CAMTA1: variants seen among roughly 807,000 people sequenced by gnomAD.
CAMTA1 encodes the protein calmodulin-binding transcription activator 1.
CAMTA1 carries 27 observed loss-of-function variants against 170.9 expected under a neutral mutation model. The ratio of observed to expected loss-of-function variants is 0.16; its 90% CI spans 0.12 to 0.22. The LOEUF (loss-of-function observed/expected upper bound fraction) is 0.22, where lower values mean the gene tolerates loss of function less well. CAMTA1 is among the 10% of genes least tolerant of loss of function. CAMTA1 has a pLI of 1.00. For synonymous variants in CAMTA1, 833 were observed against 891.5 expected (o/e 0.93, Z 1.17); for missense variants, 1,619 against 2,217.2 (o/e 0.73, Z 5.42).
At chr1:7,636,213 A>G (rs1341801398) in intron 6 of CAMTA1, among the ~76,000 whole-genome samples, 2 of 151,958 alleles carry the variant, frequency 1.3e-5, no homozygotes, top group South Asian at 2.1e-4. Context: ...GGATGCTACA[A>G]TCCCTACATT....
chr1:7,756,576 C>T (rs923833817), intron 22 of CAMTA1, among the ~76,000 whole-genome samples: 18 of 152,210 alleles, frequency 1.2e-4, no homozygotes, highest in East Asian at 1.9e-4. Flanking sequence ...AGGCCAGGTA[C>T]GATGGCTCAT....
At chr1:7,270,291 A>ATTTTTTTTTTT (rs34768255) in intron 5 of CAMTA1, among the ~76,000 whole-genome samples, 1 of 110,570 alleles carries the variant, frequency 9.0e-6, no homozygotes, top group African/African-American at 3.4e-5. Flanking sequence ...ATATATATAT[A>ATTTTTTTTTTT]TTTTTTTTTT....
At chr1:7,363,116 G>A (rs2085678272) in intron 5 of CAMTA1, among the ~76,000 whole-genome samples, 1 of 152,210 alleles carries the variant, frequency 6.6e-6, no homozygotes, top group South Asian at 2.1e-4. Context: ...AAACGTGAGA[G>A]AGTGAGTAGG....
At chr1:6,809,345 G>A (rs543558534) in intron 1 of CAMTA1, among the ~76,000 whole-genome samples, 2 of 152,032 alleles carry the variant, frequency 1.3e-5, no homozygotes, top group African/African-American at 2.4e-5. Context: ...TGTTTTTAAG[G>A]CGTCATTGGG....
chr1:7,628,281 C>T (rs1156956320), intron 6 of CAMTA1, among the ~76,000 whole-genome samples: 2 of 152,220 alleles, frequency 1.3e-5, no homozygotes, highest in African/African-American at 4.8e-5. Context: ...GTGACTCCAA[C>T]CAAAGCCTAG....
rs1163737397 is a variant in CAMTA1, at chr1:7,680,954, C to T, written c.2914+3221C>T. On this transcript the variant is annotated intron_variant, in intron 11 of 22. Coordinates refer to ENST00000303635, the MANE Select transcript of CAMTA1 (RefSeq NM_015215.4). This position sits in a 1 kb window ranked among gnomAD's most constrained non-coding sequence, Gnocchi z 4.4. ...CGGCGTAGCTTTTGTTTGCGCAGCC[C>T]CGCCCTGCGGAGGGCGATCGTCCCC... Among the ~76,000 whole-genome samples the T allele has an allele frequency of 6.6e-6, 1 of 151,694 alleles. No individual in the cohort carries two copies. Among genetic ancestry groups the T allele is most frequent in the East Asian group, 2.0e-4 (1 of 5,128 alleles).
At chr1:7,182,556 T>C (rs191874007) in intron 4 of CAMTA1, among the ~76,000 whole-genome samples, 12 of 150,182 alleles carry the variant, frequency 8.0e-5, no homozygotes, top group African/African-American at 2.9e-4. Flanking sequence ...AACATGGATG[T>C]AAGAAAAGGT....
chr1:7,291,978 T>C (rs1326865203), intron 5 of CAMTA1, among the ~76,000 whole-genome samples: 1 of 152,198 alleles, frequency 6.6e-6, no homozygotes, highest in Non-Finnish European at 1.5e-5. Context: ...TTAAAGCTGG[T>C]GTGTGCATTG....
chr1:7,301,476 G>A (rs952879714), intron 5 of CAMTA1, among the ~76,000 whole-genome samples: 1 of 152,202 alleles, frequency 6.6e-6, no homozygotes, highest in African/African-American at 2.4e-5. Context: ...TGATGACTGA[G>A]GGGCTTTGCC....
chr1:7,072,117 A>G (rs1638727852), intron 3 of CAMTA1, among the ~76,000 whole-genome samples: 1 of 152,224 alleles, frequency 6.6e-6, no homozygotes, highest in Non-Finnish European at 1.5e-5. Flanking sequence ...ATGCTGACCT[A>G]TCCCAGCTGA....
At chr1:7,369,874 C>G (rs74052968) in intron 5 of CAMTA1, among the ~76,000 whole-genome samples, 4,199 of 152,312 alleles carry the variant, frequency 0.028, 134 homozygotes, top group African/African-American at 0.072. Context: ...ACAGCCCAGA[C>G]CTCTCTGTGG....
At chr1:7,754,028 T>C (rs2096915280) in intron 21 of CAMTA1, among the ~76,000 whole-genome samples, 2 of 152,202 alleles carry the variant, frequency 1.3e-5, no homozygotes, top group Middle Eastern at 3.4e-3. Context: ...CCAAAGAGAG[T>C]AGCTGATTTT....
At chr1:7,108,508 C>G (rs1643825116) in intron 4 of CAMTA1, among the ~76,000 whole-genome samples, 1 of 152,094 alleles carries the variant, frequency 6.6e-6, no homozygotes, top group Non-Finnish European at 1.5e-5. Flanking sequence ...GGCCTGAACT[C>G]TCACATCATC....
intron 3 of CAMTA1, among the ~76,000 whole-genome samples, chr1:7,022,306 C>T (rs1363688185): frequency 1.3e-5 from 2 of 152,022 alleles, no homozygotes; most frequent in African/African-American, 4.8e-5. Flanking sequence ...ATGATCCCTT[C>T]CCTCCAGACT....
chr1:7,754,474 G>A (rs763559704), intron 21 of CAMTA1, among the ~76,000 whole-genome samples: 2 of 152,178 alleles, frequency 1.3e-5, no homozygotes, highest in Non-Finnish European at 2.9e-5. Context: ...TTTACTTTGG[G>A]AGAGTTAAGA....
At chr1:7,433,282 A>T (rs929965085) in intron 5 of CAMTA1, among the ~76,000 whole-genome samples, 3 of 152,220 alleles carry the variant, frequency 2.0e-5, no homozygotes, top group Non-Finnish European at 2.9e-5. Flanking sequence ...GGGCATCTCT[A>T]TCTAAGCCTC....
intron 6 of CAMTA1, among the ~76,000 whole-genome samples, chr1:7,487,691 G>A (rs2093635752): frequency 6.6e-6 from 1 of 152,208 alleles, no homozygotes; most frequent in Non-Finnish European, 1.5e-5. Flanking sequence ...CAGGTGCTCA[G>A]TTCTTGACTG....
At chr1:7,671,605 A>C (rs543321536) in intron 10 of CAMTA1, among the ~76,000 whole-genome samples, 1 of 152,166 alleles carries the variant, frequency 6.6e-6, no homozygotes, top group Non-Finnish European at 1.5e-5. Flanking sequence ...ATCTAACAAT[A>C]ATCAGCACAA....
At chr1:7,080,134 T>C (rs1639821235) in intron 3 of CAMTA1, among the ~76,000 whole-genome samples, 1 of 152,220 alleles carries the variant, frequency 6.6e-6, no homozygotes. Flanking sequence ...ATAACACAAT[T>C]GTAGTAAATG....
Sources: allele counts gnomAD v4.1 joint callset (sites outside exome capture counted in the v4.1 genomes callset), GRCh38; gene constraint gnomAD v4.1.1; non-coding constraint Gnocchi (gnomAD v3.1); transcripts MANE v1.5; gene names NCBI Gene and HGNC (gene_info 2026-07-23, HGNC 2026-07-21).